TRPM3: variants seen among roughly 807,000 people sequenced by gnomAD.
The protein encoded by TRPM3 is transient receptor potential cation channel subfamily M member 3, also known as long transient receptor potential channel 3.
In TRPM3, 77 loss-of-function variants were observed where a neutral mutation model predicts 181.2. The observed-to-expected ratio is 0.42, with a 90% CI of 0.35 to 0.51. The LOEUF is 0.51. TRPM3 is among the 20% of genes least tolerant of loss of function. The pLI is 0.01. For missense variants in TRPM3, 1,759 were observed against 2,196.7 expected, an observed-to-expected ratio of 0.80 and a Z score of 3.98; for synonymous variants, 745 against 796.4, an observed-to-expected ratio of 0.94 and a Z score of 1.09.
intron 1 of TRPM3, among the ~76,000 whole-genome samples, chr9:71,382,871 T>A (rs1365375557): frequency 6.6e-6 from 1 of 152,086 alleles, no homozygotes. Context: ...ATGGTTTATA[T>A]AATGTCTTCT....
At chr9:71,386,608 G>A (rs2092929728) in intron 1 of TRPM3, among the ~76,000 whole-genome samples, 1 of 152,032 alleles carries the variant, frequency 6.6e-6, no homozygotes. Context: ...TTGGAACTGT[G>A]TATATATAAC....
At chr9:71,055,991 A>C (rs2133252299) in intron 1 of TRPM3, among the ~76,000 whole-genome samples, 1 of 152,028 alleles carries the variant, frequency 6.6e-6, no homozygotes, top group Admixed American at 6.6e-5. Context: ...GCCGTGTATA[A>C]AGTATTTTAG....
chr9:70,877,081 T>C (rs962099281), intron 1 of TRPM3, among the ~76,000 whole-genome samples: 4 of 152,070 alleles, frequency 2.6e-5, no homozygotes, highest in African/African-American at 9.7e-5. Context: ...ATTAATATCA[T>C]AACAAATAGT....
At chr9:71,291,747 G>A (rs2085832833) in intron 1 of TRPM3, among the ~76,000 whole-genome samples, 1 of 151,252 alleles carries the variant, frequency 6.6e-6, no homozygotes, top group Non-Finnish European at 1.5e-5. Context: ...CTGATACACT[G>A]ATAATTGATA....
chr9:71,053,033 T>C (rs1433274843), intron 1 of TRPM3, among the ~76,000 whole-genome samples: 2 of 134,058 alleles, frequency 1.5e-5, no homozygotes, highest in East Asian at 2.3e-4. Context: ...TCACCAATAG[T>C]GCATATGGAG....
intron 1 of TRPM3, among the ~76,000 whole-genome samples, chr9:71,231,530 T>C (rs1439183683): frequency 2.6e-5 from 4 of 152,230 alleles, no homozygotes; most frequent in Non-Finnish European, 5.9e-5. Flanking sequence ...AGAACAGATC[T>C]GTGCTCTTTT....
chr9:71,192,670 T>C (rs1006835388), intron 1 of TRPM3, among the ~76,000 whole-genome samples: 106 of 151,942 alleles, frequency 7.0e-4, no homozygotes, highest in African/African-American at 2.4e-3. Context: ...TTATCAGATA[T>C]ATGGCTTGAA....
chr9:70,801,085 C>T (rs1029396435), intron 6 of TRPM3, among the ~76,000 whole-genome samples: 9 of 152,150 alleles, frequency 5.9e-5, no homozygotes, highest in African/African-American at 1.9e-4. Context: ...GACATACTTG[C>T]AAGTGAAGGG....
chr9:70,688,149 T>C (rs538207878), intron 8 of TRPM3, among the ~76,000 whole-genome samples: 9 of 152,280 alleles, frequency 5.9e-5, no homozygotes, highest in African/African-American at 1.9e-4. Context: ...TTCTAGTCTC[T>C]GTGCAGCTGT....
chr9:70,587,058 A>G (rs1017034953), intron 22 of TRPM3, among the ~76,000 whole-genome samples: 3 of 152,176 alleles, frequency 2.0e-5, no homozygotes, highest in Non-Finnish European at 2.9e-5. Flanking sequence ...AAATAAAGCA[A>G]AAACAAAACA....
At chr9:70,543,944 C>T (rs1257708903) in intron 25 of TRPM3, among the ~76,000 whole-genome samples, 3 of 152,162 alleles carry the variant, frequency 2.0e-5, no homozygotes, top group Non-Finnish European at 2.9e-5. Context: ...CAGGGACTCA[C>T]TCTGTGGCAG....
In TRPM3 at chr9:70,881,152, A is replaced by G. The variant is rs1472165880; in HGVS notation, c.178-16641T>C. On this transcript the variant is annotated intron_variant, in intron 1 of 25. Transcript: ENST00000677713. ...ACATGTGATAATTTGATACATTCATATAATCAGATCTAACCCTGGATTCCT... is the reference window on the plus strand; with the variant it reads ...ACATGTGATAATTTGATACATTCATGTAATCAGATCTAACCCTGGATTCCT... Among the ~76,000 whole-genome samples the G allele has an allele frequency of 2.0e-5, 3 of 152,138 alleles. No homozygotes were observed. The East Asian group carries it at 5.8e-4, about 29-fold the overall frequency.
chr9:70,657,898 T>C (rs1343347704), intron 9 of TRPM3, among the ~76,000 whole-genome samples: 4 of 151,972 alleles, frequency 2.6e-5, no homozygotes, highest in African/African-American at 9.7e-5. Context: ...AAGAGGTGAG[T>C]GTGTGATTGT....
chr9:71,278,022 T>C (rs2084361743), intron 1 of TRPM3, among the ~76,000 whole-genome samples: 1 of 152,238 alleles, frequency 6.6e-6, no homozygotes, highest in African/African-American at 2.4e-5. Context: ...AGTGGTCCTG[T>C]TATTTCTACC....
At chr9:71,165,770 C>T (rs1254888906) in intron 1 of TRPM3, among the ~76,000 whole-genome samples, 1 of 152,160 alleles carries the variant, frequency 6.6e-6, no homozygotes, top group Non-Finnish European at 1.5e-5. Flanking sequence ...AGAGGATACT[C>T]ATTTACAGCC....
At chr9:70,995,943 C>G (rs560291272) in intron 1 of TRPM3, among the ~76,000 whole-genome samples, 3 of 152,098 alleles carry the variant, frequency 2.0e-5, no homozygotes, top group Admixed American at 6.5e-5. Flanking sequence ...TTCCCTGGAG[C>G]CTTAGGCTTT....
intron 1 of TRPM3, among the ~76,000 whole-genome samples, chr9:71,442,490 A>T (rs1410147881): frequency 6.6e-6 from 1 of 152,222 alleles, no homozygotes; most frequent in African/African-American, 2.4e-5. Context: ...ATGGAGGAGA[A>T]AAAAGAATAT....
chr9:70,657,762 A>C (rs1263234740), intron 9 of TRPM3, among the ~76,000 whole-genome samples: 1 of 152,164 alleles, frequency 6.6e-6, no homozygotes, highest in East Asian at 1.9e-4. Context: ...AATCTTAAAC[A>C]CTGACAGCAA....
intron 6 of TRPM3, among the ~76,000 whole-genome samples, chr9:70,822,847 G>A (rs952213533): frequency 2.7e-5 from 4 of 149,944 alleles, no homozygotes; most frequent in Non-Finnish European, 5.9e-5. Context: ...CTCCTACTTC[G>A]TACTCCAGAC....
Sources: allele counts gnomAD v4.1 joint callset (sites outside exome capture counted in the v4.1 genomes callset), GRCh38; gene constraint gnomAD v4.1.1; transcripts MANE v1.5; gene names NCBI Gene and HGNC (gene_info 2026-07-23, HGNC 2026-07-21).